OLFML1: variants seen among roughly 807,000 people sequenced by gnomAD.
OLFML1 encodes olfactomedin like 1.
OLFML1 carries 33 observed loss-of-function variants against 37.3 expected under a neutral mutation model. That is an observed-to-expected ratio of 0.88 (90% CI 0.67 to 1.18). The LOEUF (loss-of-function observed/expected upper bound fraction) is 1.18. Among genes scored for constraint, OLFML1 ranks in the 50% most tolerant of loss-of-function variants. The pLI is 0.00. For synonymous variants in OLFML1, 186 were observed against 181.3 expected, an observed-to-expected ratio of 1.03 and a Z score of -0.21; for missense variants, 545 against 483.7, an observed-to-expected ratio of 1.13 and a Z score of -1.19.
chr11:7,509,365 A>C (rs773468357), intron 2 of OLFML1, 33 bp from the exon 3 acceptor site: 1 of 1,531,504 alleles, frequency 6.5e-7, no homozygotes, highest in Non-Finnish European at 8.8e-7. Flanking sequence ...CATGTTTATA[A>C]AGTAATCTCT....
At chr11:7,505,697 G>A (rs1245683721) in intron 2 of OLFML1, among the ~76,000 whole-genome samples, 1 of 152,150 alleles carries the variant, frequency 6.6e-6, no homozygotes, top group African/African-American at 2.4e-5. Context: ...TGGACCTGGT[G>A]GTATGCATCT....
At chr11:7,509,355 C>T in intron 2 of OLFML1, 43 bp from the exon 3 acceptor site, 2 of 1,471,538 alleles carry the variant, frequency 1.4e-6, no homozygotes, top group Non-Finnish European at 1.8e-6. Context: ...GCAGACAGCT[C>T]ATGTTTATAA....
chr11:7,502,094 T>C (rs1205891687), intron 2 of OLFML1, among the ~76,000 whole-genome samples: 3 of 152,148 alleles, frequency 2.0e-5, no homozygotes. Context: ...CTTCAAGACA[T>C]AATATTGAAA....
At chr11:7,507,110 C>CACGAG (rs1213233344) in intron 2 of OLFML1, among the ~76,000 whole-genome samples, 1 of 152,138 alleles carries the variant, frequency 6.6e-6, no homozygotes, top group Non-Finnish European at 1.5e-5. Flanking sequence ...GAGTTGACAG[C>CACGAG]ACGAGACACA....
chr11:7,494,183 TG>T (rs1218602074), intron 2 of OLFML1, among the ~76,000 whole-genome samples: 2 of 152,206 alleles, frequency 1.3e-5, no homozygotes, highest in East Asian at 1.9e-4. Context: ...AAGGCATAAT[TG>T]GGCTCAGTGT....
chr11:7,509,725 G>T lies in OLFML1; in HGVS notation c.746G>T (p.Arg249Leu), dbSNP rs370994936. Reference sequence around the variant, plus strand: ...CTGCAGAAGAGGACTGTGGAAGATCGAATGCTGCTCCCAGGAGGGGTAGGC... The same window carrying T: ...CTGCAGAAGAGGACTGTGGAAGATCTAATGCTGCTCCCAGGAGGGGTAGGC... ...YNLQKRTVED[R>L]MLLPGGVGRA... Residue 249 changes from arginine to leucine, a missense_variant, in exon 3 of 3, where the codon CGA becomes CTA. Arg to Leu is a moderately radical substitution (Grantham distance 102). Transcript: ENST00000329293. The T allele has an allele frequency of 1.3e-5, 21 of 1,614,060 alleles. No homozygotes were observed. The highest frequency in any genetic ancestry group is 1.6e-5 in the Non-Finnish European group (19 of 1,180,008).
chr11:7,494,195 G>A (rs1848635249), intron 2 of OLFML1, among the ~76,000 whole-genome samples: 1 of 152,248 alleles, frequency 6.6e-6, no homozygotes, highest in Admixed American at 6.5e-5. Flanking sequence ...GGCTCAGTGT[G>A]TTTGTGGAGC....
chr11:7,503,392 AAG>A (rs1278922544), intron 2 of OLFML1, among the ~76,000 whole-genome samples: 4 of 152,214 alleles, frequency 2.6e-5, no homozygotes, highest in Non-Finnish European at 4.4e-5. Context: ...CAAGAAGAGA[AAG>A]AGTTTTGAGG....
At chr11:7,501,310 C>T (rs991191599) in intron 2 of OLFML1, among the ~76,000 whole-genome samples, 1 of 152,286 alleles carries the variant, frequency 6.6e-6, no homozygotes, top group Non-Finnish European at 1.5e-5. Context: ...CTTCTGTTAG[C>T]GGCTCCTGCA....
chr11:7,489,435 T>C (rs898750526), intron 2 of OLFML1, among the ~76,000 whole-genome samples: 3 of 151,852 alleles, frequency 2.0e-5, no homozygotes, highest in African/African-American at 7.3e-5. Context: ...GAAAGCTTTT[T>C]AGAGAGGTGA....
At chr11:7,493,100 G>A (rs1481332027) in intron 2 of OLFML1, among the ~76,000 whole-genome samples, 1 of 152,146 alleles carries the variant, frequency 6.6e-6, no homozygotes, top group Non-Finnish European at 1.5e-5. Context: ...GTCAAAACAA[G>A]CCATTATAGC....
chr11:7,496,916 A>C (rs1438932831), intron 2 of OLFML1, among the ~76,000 whole-genome samples: 2 of 152,154 alleles, frequency 1.3e-5, no homozygotes, highest in African/African-American at 4.8e-5. Flanking sequence ...TTATCTGGGC[A>C]TGGTGGCATG....
At chr11:7,494,399 T>C (rs1222397098) in intron 2 of OLFML1, among the ~76,000 whole-genome samples, 3 of 152,270 alleles carry the variant, frequency 2.0e-5, no homozygotes, top group Non-Finnish European at 4.4e-5. Flanking sequence ...GCATTTTACC[T>C]ATCTCACTGG....
At chr11:7,486,481 C>T (rs1290510489) in intron 1 of OLFML1, among the ~76,000 whole-genome samples, 2 of 152,150 alleles carry the variant, frequency 1.3e-5, no homozygotes. Context: ...ACCATTAGGT[C>T]ACTGTAAAAA....
rs1399650498 is a variant in OLFML1, at chr11:7,485,668, C to G, written c.-208C>G. On this transcript the variant is annotated 5_prime_UTR_variant, in exon 1 of 3. Transcript: ENST00000329293. The stretch of plus-strand genomic sequence containing the variant: ...CTACAAGGCCTCAGGGACCAACTTG[C>G]CAACAGCTGGACTTGATCACTAGCT... 4 of 566,746 alleles carry G rather than the reference C, an allele frequency of 7.1e-6. No homozygotes were observed. The highest frequency in any genetic ancestry group is 1.3e-5 in the Non-Finnish European group (4 of 318,920). 35.1% of individuals were successfully genotyped at this position (566,746 alleles called of 1,614,324 possible).
Position 7,511,313 on chromosome 11 carries a change from A to G in OLFML1, c.*1125A>G, listed in dbSNP as rs1438996019. 2 of 152,222 alleles carry G rather than the reference A, an allele frequency of 1.3e-5. No homozygotes were observed. Among genetic ancestry groups the G allele is most frequent in the Non-Finnish European group, 2.9e-5 (2 of 68,034 alleles). 9.4% of individuals were successfully genotyped at this position (152,222 alleles called of 1,614,324 possible). A position where few individuals can be genotyped will look rare whatever the true frequency, so the allele number is the denominator to read the frequency against. On this transcript the variant is annotated 3_prime_UTR_variant, in exon 3 of 3. Transcript: ENST00000329293. The stretch of plus-strand genomic sequence containing the variant: ...TTTCTCTCTTTCTGCTTTAAATTCA[A>G]TAAAAGTGACACTGAGCAAATAACC...
At chr11:7,493,594 T>C (rs1364932407) in intron 2 of OLFML1, among the ~76,000 whole-genome samples, 1 of 152,222 alleles carries the variant, frequency 6.6e-6, no homozygotes, top group Non-Finnish European at 1.5e-5. Context: ...GAGGCGCATG[T>C]AGAGTACAGC....
At chr11:7,492,033 T>G (rs576280937) in intron 2 of OLFML1, among the ~76,000 whole-genome samples, 1 of 152,286 alleles carries the variant, frequency 6.6e-6, no homozygotes, top group South Asian at 2.1e-4. Flanking sequence ...TGTAATGCAA[T>G]CACAGAGTGC....
chr11:7,509,729 G>A lies in OLFML1; in HGVS notation c.750G>A (p.Met250Ile). Residue 250 changes from methionine (M) to isoleucine (I), a missense_variant, in exon 3 of 3, where the codon ATG becomes ATA. Coordinates refer to ENST00000329293, the MANE Select transcript of OLFML1 (RefSeq NM_198474.4). ...AGAAGAGGACTGTGGAAGATCGAAT[G>A]CTGCTCCCAGGAGGGGTAGGCCGAG... ...NLQKRTVEDR[M>I]LLPGGVGRAL... 1 of 1,614,210 alleles carries A rather than the reference G, an allele frequency of 6.2e-7. No individual in the cohort carries two copies. Among genetic ancestry groups the A allele is most frequent in the East Asian group, 2.2e-5 (1 of 44,888 alleles).
Sources: allele counts gnomAD v4.1 joint callset (sites outside exome capture counted in the v4.1 genomes callset), GRCh38; gene constraint gnomAD v4.1.1; transcripts MANE v1.5; gene names NCBI Gene and HGNC (gene_info 2026-07-23, HGNC 2026-07-21).